DENND1A: variants seen among roughly 807,000 people sequenced by gnomAD.
DENND1A encodes the protein DENN domain containing 1A.
Under a neutral mutation model 113.7 loss-of-function variants are expected in DENND1A, and 51 were observed. The observed-to-expected ratio is 0.45, with a 90% confidence interval of 0.36 to 0.57. The LOEUF is 0.57. Among genes scored for constraint, DENND1A ranks in the 20% least tolerant of loss-of-function variants. The pLI, the probability that DENND1A is intolerant of heterozygous loss-of-function variation, is 0.00. For missense variants in DENND1A, 1,258 were observed against 1,395.9 expected (o/e 0.90, Z 1.57); for synonymous variants, 565 against 570.8 (o/e 0.99, Z 0.14).
chr9:123,805,536 C>A (rs930226338), intron 2 of DENND1A, among the ~76,000 whole-genome samples: 2 of 151,516 alleles, frequency 1.3e-5, no homozygotes, highest in Non-Finnish European at 2.9e-5. Context: ...TGGGTTCAAG[C>A]GATTATCCTG....
chr9:123,499,946 A>C (rs2052323084), intron 13 of DENND1A, among the ~76,000 whole-genome samples: 1 of 152,214 alleles, frequency 6.6e-6, no homozygotes, highest in Non-Finnish European at 1.5e-5. Context: ...CCACTGCCGA[A>C]TGAATCGATG....
At chr9:123,693,003 G>T (rs1289231813) in intron 5 of DENND1A, among the ~76,000 whole-genome samples, 1 of 152,186 alleles carries the variant, frequency 6.6e-6, no homozygotes, top group Non-Finnish European at 1.5e-5. Context: ...AAATGGTCAA[G>T]ATTTGAAGTA....
At chr9:123,741,404 ACT>A (rs1226555418) in intron 5 of DENND1A, among the ~76,000 whole-genome samples, 1 of 152,160 alleles carries the variant, frequency 6.6e-6, no homozygotes, top group East Asian at 1.9e-4. Context: ...GTCAAAGGAA[ACT>A]CTGTAAGCAG....
chr9:123,506,909 G>A (rs1351068680), intron 13 of DENND1A, among the ~76,000 whole-genome samples: 1 of 152,244 alleles, frequency 6.6e-6, no homozygotes, highest in Middle Eastern at 3.2e-3. Context: ...AAAAGGCTGG[G>A]CACAGTGGCT....
chr9:123,585,506 C>G (rs1044253638), intron 11 of DENND1A, among the ~76,000 whole-genome samples: 1 of 152,180 alleles, frequency 6.6e-6, no homozygotes. Context: ...TTATATGAAG[C>G]ACAATCTCCA....
intron 12 of DENND1A, among the ~76,000 whole-genome samples, chr9:123,572,356 A>AC (rs2058404061): frequency 6.6e-6 from 1 of 152,010 alleles, no homozygotes; most frequent in Non-Finnish European, 1.5e-5. Flanking sequence ...CAGTTGGGGG[A>AC]CGTCTGTATT....
At chr9:123,828,445 TAGAA>T (rs1244607603) in intron 2 of DENND1A, among the ~76,000 whole-genome samples, 3 of 151,830 alleles carry the variant, frequency 2.0e-5, no homozygotes, top group Non-Finnish European at 4.4e-5. Context: ...AGAAAAAAGA[TAGAA>T]AGAGAATTGG....
At chr9:123,817,766 C>T (rs2086729928) in intron 2 of DENND1A, among the ~76,000 whole-genome samples, 1 of 152,124 alleles carries the variant, frequency 6.6e-6, no homozygotes, top group Non-Finnish European at 1.5e-5. Context: ...GTGGCTCATG[C>T]CTGTAATCCC....
At chr9:123,441,815 T>C (rs754896785) in intron 18 of DENND1A, among the ~76,000 whole-genome samples, 9 of 152,224 alleles carry the variant, frequency 5.9e-5, no homozygotes, top group Non-Finnish European at 1.3e-4. Context: ...AAAACAAATA[T>C]ACACTTTGAT....
Position 123,382,616 on chromosome 9 carries a change from G to C in DENND1A, c.2029C>G (p.Leu677Val), listed in dbSNP as rs2042338857. The C allele has an allele frequency of 6.2e-7, 1 of 1,613,940 alleles. No individual in the cohort carries two copies. The change falls in exon 24 of 24, where the codon CTG (leucine) becomes GTG (valine). Residue 677 changes from leucine to valine, a missense_variant. Physicochemically the swap from Leu to Val is conservative, Grantham distance 32 (BLOSUM62 1). Coordinates refer to ENST00000394215, the MANE Select transcript of DENND1A (RefSeq NM_001352964.2). ...PGTFDYQRLD[L>V]GGSERSRGVT... ...CCGCGGCTCCTCTCACTCCCGCCCA[G>C]ATCCAGCCTCTGTTGGGAGGGAAGG...
rs570782231 is a variant in DENND1A at position 123,499,281 on chromosome 9, G to A, written c.994-41384C>T. 8.6e-5 allele frequency among the ~76,000 whole-genome samples: 13 copies of A among 151,510 alleles called. No homozygotes were observed. In the East Asian group the frequency reaches 1.6e-3, roughly 18 times the overall value. ...ACTCCTGACCTCAGGCGATCCACCCGCCTCGGCCTCCCAAAGTGCTGGGAT... is the reference window on the plus strand; with the variant it reads ...ACTCCTGACCTCAGGCGATCCACCCACCTCGGCCTCCCAAAGTGCTGGGAT... On this transcript the variant is annotated intron_variant, in intron 13 of 23. Transcript: ENST00000394215.
intron 13 of DENND1A, among the ~76,000 whole-genome samples, chr9:123,512,247 G>T (rs1046606630): frequency 3.0e-4 from 46 of 152,220 alleles, no homozygotes; most frequent in Non-Finnish European, 1.9e-4. Flanking sequence ...CATAATAGGA[G>T]ATATGAAGAG....
chr9:123,628,955 T>G (rs966151368), intron 10 of DENND1A, among the ~76,000 whole-genome samples: 1 of 152,202 alleles, frequency 6.6e-6, no homozygotes, highest in African/African-American at 2.4e-5. Flanking sequence ...CTTACTGCTA[T>G]GCATGAGAGA....
chr9:123,713,988 G>A (rs2066807382), intron 5 of DENND1A, among the ~76,000 whole-genome samples: 2 of 152,092 alleles, frequency 1.3e-5, no homozygotes, highest in African/African-American at 2.4e-5. Flanking sequence ...CCTTATAAGA[G>A]CCATCTAAAA....
chr9:123,658,251 C>T (rs909022020), intron 8 of DENND1A, among the ~76,000 whole-genome samples: 1 of 151,796 alleles, frequency 6.6e-6, no homozygotes, highest in African/African-American at 2.4e-5. Context: ...AAATGAAGGT[C>T]TATATGATTA....
chr9:123,842,354 G>A (rs1841952990), intron 2 of DENND1A, among the ~76,000 whole-genome samples: 1 of 152,154 alleles, frequency 6.6e-6, no homozygotes, highest in African/African-American at 2.4e-5. Context: ...CAATGTATGA[G>A]AGGTGAGAAG....
intron 2 of DENND1A, among the ~76,000 whole-genome samples, chr9:123,847,485 A>G (rs1316426906): frequency 3.3e-5 from 5 of 152,240 alleles, no homozygotes; most frequent in African/African-American, 1.2e-4. Context: ...CAATATAGGA[A>G]GCCAGAAGAC....
intron 13 of DENND1A, among the ~76,000 whole-genome samples, chr9:123,490,756 T>C (rs1374199831): frequency 1.3e-5 from 2 of 152,212 alleles, no homozygotes; most frequent in Non-Finnish European, 2.9e-5. Context: ...ACTTAATCAA[T>C]ATAGAAAATT....
At chr9:123,701,262 A>G (rs898011093) in intron 5 of DENND1A, among the ~76,000 whole-genome samples, 1 of 152,220 alleles carries the variant, frequency 6.6e-6, no homozygotes, top group Non-Finnish European at 1.5e-5. Context: ...AAACAGTTCA[A>G]AATACCCTCA....
Sources: allele counts gnomAD v4.1 joint callset (sites outside exome capture counted in the v4.1 genomes callset), GRCh38; gene constraint gnomAD v4.1.1; transcripts MANE v1.5; gene names NCBI Gene and HGNC (gene_info 2026-07-23, HGNC 2026-07-21).